COPG1: variants seen among roughly 807,000 people sequenced by gnomAD.
COPG1 encodes the protein coatomer subunit gamma-1.
A neutral mutation model predicts 102.8 loss-of-function variants in COPG1; 29 were observed. The observed-to-expected ratio is 0.28, with a 90% CI of 0.21 to 0.38. The LOEUF (loss-of-function observed/expected upper bound fraction) is 0.38, where lower values mean the gene tolerates loss of function less well. Among genes scored for constraint, COPG1 ranks in the 10% least tolerant of loss-of-function variants. COPG1 has a pLI of 1.00. For missense variants in COPG1, 875 were observed against 1,132.7 expected (o/e 0.77, Z 3.27); for synonymous variants, 406 against 421.6 (o/e 0.96, Z 0.45).
intron 14 of COPG1, 138 bp from the exon 15 acceptor site, chr3:129,266,886 G>A: frequency 1.4e-6 from 1 of 699,428 alleles, no homozygotes; most frequent in African/African-American, 1.8e-5. Context: ...TCTGTTGGTA[G>A]TGACTTTGGG....
At chr3:129,255,590 C>G (rs1487110138) in intron 7 of COPG1, among the ~76,000 whole-genome samples, 2 of 151,852 alleles carry the variant, frequency 1.3e-5, no homozygotes, top group South Asian at 2.1e-4. Context: ...TCAAGCGATT[C>G]ACATGCCTCA....
intron 18 of COPG1, among the ~76,000 whole-genome samples, chr3:129,270,134 C>T (rs376249490): frequency 6.6e-6 from 1 of 150,800 alleles, no homozygotes; most frequent in South Asian, 2.1e-4. Context: ...CCAGGATAAC[C>T]CCTAGCTCAA....
chr3:129,270,074 C>T (rs1940155627), intron 18 of COPG1, among the ~76,000 whole-genome samples: 1 of 145,658 alleles, frequency 6.9e-6, no homozygotes, highest in Non-Finnish European at 1.5e-5. Context: ...CTACTCTGAC[C>T]TTCTGCCCTA....
chr3:129,262,603 G>A lies in COPG1; in HGVS notation c.1129-1301G>A, dbSNP rs567068308. Among the ~76,000 whole-genome samples, 3 of 152,038 alleles carry A rather than the reference G, an allele frequency of 2.0e-5. No individual in the cohort carries two copies. In the East Asian group the frequency reaches 5.8e-4, roughly 29 times the overall value. Reference sequence around the variant, plus strand: ...CCATGTGTGGTGATGCGCACCTGTAGTCCCAGCTACTCTGGAGGCTGAGGT... The same window carrying A: ...CCATGTGTGGTGATGCGCACCTGTAATCCCAGCTACTCTGGAGGCTGAGGT... On this transcript the variant is annotated intron_variant, in intron 12 of 23. Coordinates refer to ENST00000314797, the MANE Select transcript of COPG1 (RefSeq NM_016128.4).
chr3:129,263,046 G>GAAAAAAAAAAA (rs1560065383), intron 12 of COPG1, among the ~76,000 whole-genome samples: 1 of 135,046 alleles, frequency 7.4e-6, no homozygotes, highest in African/African-American at 3.4e-5. Flanking sequence ...GAGTCCTTCT[G>GAAAAAAAAAAA]GAGCAGAGTG....
In COPG1 at chr3:129,265,619, A is replaced by G. The variant is rs1940038129; in HGVS notation, c.1295A>G (p.Lys432Arg). The G allele has an allele frequency of 6.2e-7, 1 of 1,614,218 alleles. No individual in the cohort carries two copies. The change falls in exon 14 of 24, where the codon AAG (lysine) becomes AGG (arginine). Residue 432 changes from lysine (K) to arginine (R), a missense_variant. Lys to Arg is a conservative substitution (Grantham distance 26). Transcript: ENST00000314797. ...ATCATTGAAGAGAACTCAGAGAGCA[A>G]GGAGACAGGGCTGTCACATCTGTGC... is the stretch of plus-strand genomic sequence containing the variant. ...ISIIEENSESKETGLSHLCEF... is the reference protein window; with the variant it reads ...ISIIEENSESRETGLSHLCEF...
chr3:129,260,410 C>T lies in COPG1; in HGVS notation c.939+10C>T. ...TCGTACCCTCAATAAGGTAAGAGTC[C>T]AGCTTGGGGGTTGGAGGAAGCTGTC... On this transcript the variant is annotated intron_variant, in intron 11 of 23. Transcript: ENST00000314797. 1 of 1,613,534 alleles carries T rather than the reference C, an allele frequency of 6.2e-7. No homozygotes were observed. The highest frequency in any genetic ancestry group is 8.5e-7 in the Non-Finnish European group (1 of 1,179,550).
At chr3:129,252,757 A>T in intron 4 of COPG1, 63 bp downstream of exon 4, 1 of 1,562,386 alleles carries the variant, frequency 6.4e-7, no homozygotes, top group Non-Finnish European at 8.8e-7. Flanking sequence ...TGGGAGGGCC[A>T]AAGAGAGCTG....
chr3:129,262,057 A>T (rs535360583), intron 12 of COPG1, among the ~76,000 whole-genome samples: 5 of 152,048 alleles, frequency 3.3e-5, no homozygotes, highest in Admixed American at 1.3e-4. Context: ...GCAGCAGTCT[A>T]CTCTGCCTGT....
At chr3:129,257,350 TGG>T in intron 8 of COPG1, 118 bp from the exon 9 acceptor site, 1 of 1,005,740 alleles carries the variant, frequency 9.9e-7, no homozygotes, top group Non-Finnish European at 1.5e-6. Context: ...CCACTCTGTG[TGG>T]TAGCTGCTAC....
rs138671164 is a variant in COPG1, at chr3:129,276,760, T to C, written c.2495-534T>C. 5.1e-3 allele frequency among the ~76,000 whole-genome samples: 780 copies of C among 152,158 alleles called. 3 individuals carry two copies. Among genetic ancestry groups the C allele is most frequent in the African/African-American group, 0.014 (569 of 41,500 alleles). ...TTGAACTTAGCAGAAGCCTGAAATA[T>C]GGTATTATCATCCCTGCCACTTTGT... On this transcript the variant is annotated intron_variant, in intron 23 of 23. Coordinates refer to ENST00000314797, the MANE Select transcript of COPG1 (RefSeq NM_016128.4).
Position 129,254,744 on chromosome 3 carries a change from G to T in COPG1, c.399+1G>T. On this transcript the variant is annotated splice_donor_variant, in intron 6 of 23. Transcript: ENST00000314797. LOFTEE classifies it high-confidence loss of function. ...GCGAGCCCTCTGCCAGATCACTGAT[G>T]TGAGTCGTGCCGGTTCCTCCCTGCT... 6.2e-7 allele frequency: 1 copy of T among 1,613,500 alleles called. No homozygotes were observed. The highest frequency in any genetic ancestry group is 8.5e-7 in the Non-Finnish European group (1 of 1,179,466).
At chr3:129,253,023 T>C in intron 5 of COPG1, 68 bp downstream of exon 5, 2 of 1,367,372 alleles carry the variant, frequency 1.5e-6, no homozygotes, top group Non-Finnish European at 2.1e-6. Context: ...TTCTTGTGTG[T>C]ACCAGACAGT....
chr3:129,250,677 C>A lies in COPG1; in HGVS notation c.38-5C>A. 1.2e-6 allele frequency: 2 copies of A among 1,613,542 alleles called. No homozygotes were observed. The highest frequency in any genetic ancestry group is 1.1e-5 in the South Asian group (1 of 91,072). On this transcript the variant is annotated splice_polypyrimidine_tract_variant and splice_region_variant and intron_variant, in intron 1 of 23. Coordinates refer to ENST00000314797, the MANE Select transcript of COPG1 (RefSeq NM_016128.4). Reference sequence around the variant, plus strand: ...ACCTACCTTCTCCATTGTCCTTGACCGTAGGTGGAGGCTCCAACCCATTCC... The same window carrying A: ...ACCTACCTTCTCCATTGTCCTTGACAGTAGGTGGAGGCTCCAACCCATTCC...
rs1395100039 is a variant in COPG1 at position 129,260,387 on chromosome 3, G to A, written c.926G>A (p.Arg309His). 3.1e-6 allele frequency: 5 copies of A among 1,614,008 alleles called. No individual in the cohort carries two copies. The highest frequency in any genetic ancestry group is 1.1e-5 in the South Asian group (1 of 91,076). The change falls in exon 11 of 24, where the codon CGT becomes CAT. Residue 309 changes from arginine to histidine, a missense_variant. By Grantham distance (29) the Arg-to-His change is conservative (BLOSUM62 0). Transcript: ENST00000314797. The part of the protein sequence containing the change: ...PKAALRYAAV[R>H]TLNKVAMKHP... The stretch of plus-strand genomic sequence containing the variant: ...GCTGCTCTCCGCTATGCTGCTGTTC[G>A]TACCCTCAATAAGGTAAGAGTCCAG...
At chr3:129,250,333 G>T (rs1939667804) in intron 1 of COPG1, among the ~76,000 whole-genome samples, 1 of 152,200 alleles carries the variant, frequency 6.6e-6, no homozygotes, top group Non-Finnish European at 1.5e-5. Flanking sequence ...ATTTGCAAAT[G>T]TGTCATCTGC....
intron 23 of COPG1, among the ~76,000 whole-genome samples, chr3:129,276,264 T>C (rs1191301354): frequency 1.3e-5 from 2 of 152,254 alleles, no homozygotes; most frequent in East Asian, 3.8e-4. Flanking sequence ...GAGGCATTTG[T>C]ATTTCCTTTT....
chr3:129,252,434 C>A, intron 3 of COPG1, 73 bp downstream of exon 3: 1 of 1,196,910 alleles, frequency 8.4e-7, no homozygotes, highest in Non-Finnish European at 1.2e-6. Context: ...ATCATGATCA[C>A]TCTTAGGCTA....
chr3:129,258,839 G>A (rs185473380), intron 10 of COPG1, among the ~76,000 whole-genome samples: 1 of 152,196 alleles, frequency 6.6e-6, no homozygotes, highest in Non-Finnish European at 1.5e-5. Flanking sequence ...CCTGCTCTGG[G>A]TGTGGGAATA....
Sources: allele counts gnomAD v4.1 joint callset (sites outside exome capture counted in the v4.1 genomes callset), GRCh38; gene constraint gnomAD v4.1.1; transcripts MANE v1.5; gene names NCBI Gene and HGNC (gene_info 2026-07-23, HGNC 2026-07-21).